TMEM43: variants seen among roughly 807,000 people sequenced by gnomAD.
TMEM43 encodes arrhythmogenic right ventricular dysplasia 5.
In TMEM43, 45 loss-of-function variants were observed where a neutral mutation model predicts 49.6. That is an observed-to-expected ratio of 0.91 (90% CI 0.71 to 1.16). TMEM43 has a LOEUF of 1.16. Ranked by LOEUF, TMEM43 falls within the 50% of genes most tolerant of loss-of-function variation. The pLI is 0.00. For missense variants in TMEM43, 532 were observed against 516.6 expected, an observed-to-expected ratio of 1.03 and a Z score of -0.29; for synonymous variants, 199 against 207.8, an observed-to-expected ratio of 0.96 and a Z score of 0.36.
In TMEM43 at chr3:14,135,093, T is replaced by C. The variant is rs867198305; in HGVS notation, c.706-65T>C. 6.5e-6 allele frequency: 10 copies of C among 1,536,202 alleles called. No homozygotes were observed. In the Middle Eastern group the frequency reaches 1.2e-3, roughly 181 times the overall value. On this transcript the variant is annotated intron_variant, in intron 8 of 11. Transcript: ENST00000306077. ...GAGCCTGAGGGGCGTAGCCGAGGCA[T>C]CCTGGACCTGGGCCTGGGCCAGCTA...
In TMEM43 at chr3:14,135,829, G is replaced by A. The variant is rs769969149; in HGVS notation, c.803G>A (p.Arg268Gln). 5 of 1,613,652 alleles carry A rather than the reference G, an allele frequency of 3.1e-6. No homozygotes were observed. The highest frequency in any genetic ancestry group is 2.2e-5 in the South Asian group (2 of 91,060). Reference protein sequence around the residue: ...AHVVTVIARQRGDQLVPFSTK... With the variant: ...AHVVTVIARQQGDQLVPFSTK... ...CAGGTCACTGTGATTGCCCGGCAGC[G>A]GGGTGACCAGCTAGTCCCATTCTCC... Residue 268 changes from arginine to glutamine, a missense_variant, in exon 10 of 12, where the codon CGG (arginine) becomes CAG (glutamine). Transcript: ENST00000306077.
rs774064981 is a variant in TMEM43, at chr3:14,141,724, C to G, written c.1132C>G (p.Leu378Val). The G allele has an allele frequency of 6.2e-7, 1 of 1,614,198 alleles. No individual in the cohort carries two copies. ...WLFYRPLWAL[L>V]IAGLALVPIL... is the part of the protein sequence containing the mutation. ...CTTCTACCGACCCCTGTGGGCCCTC[C>G]TCATTGCCGGCCTGGCCCTTGTGCC... is the stretch of plus-strand genomic sequence containing the variant. The change falls in exon 12 of 12, where the codon CTC becomes GTC. Residue 378 changes from leucine to valine, a missense_variant. Physicochemically the swap from Leu to Val is conservative, Grantham distance 32. Coordinates refer to ENST00000306077, the MANE Select transcript of TMEM43 (RefSeq NM_024334.3).
chr3:14,138,405 G>C (rs1039711594), intron 10 of TMEM43, among the ~76,000 whole-genome samples: 3 of 152,108 alleles, frequency 2.0e-5, no homozygotes, highest in African/African-American at 7.2e-5. Context: ...GGCAGACAGT[G>C]GTAAGAGACT....
rs758697367 is a variant in TMEM43 at position 14,141,772 on chromosome 3, G to A, written c.1180G>A (p.Val394Met). The A allele has an allele frequency of 4.3e-6, 7 of 1,613,640 alleles. No homozygotes were observed. In the Admixed American group the frequency reaches 6.7e-5, roughly 15 times the overall value. The change falls in exon 12 of 12, where the codon GTG becomes ATG. Residue 394 changes from valine to methionine, a missense_variant. Physicochemically the swap from Val to Met is conservative, Grantham distance 21. Coordinates refer to ENST00000306077, the MANE Select transcript of TMEM43 (RefSeq NM_024334.3). ...LVPILVARTRVPAKKLE is the reference protein window; with the variant it reads ...LVPILVARTRMPAKKLE ...GCCCATCCTTGTTGCTCGGACACGG[G>A]TGCCAGCCAAAAAGTTGGAGTGAAA...
At chr3:14,127,435 C>G (rs1029392156) in intron 1 of TMEM43, among the ~76,000 whole-genome samples, 1 of 152,172 alleles carries the variant, frequency 6.6e-6, no homozygotes, top group African/African-American at 2.4e-5. Context: ...GCAGCTGGCT[C>G]CCAACATTCA....
chr3:14,139,272 T>TA lies in TMEM43; in HGVS notation c.976dup (p.Met326AsnfsTer98). On this transcript the variant is annotated frameshift_variant, in exon 11 of 12. Transcript: ENST00000306077. LOFTEE classifies it high-confidence loss of function. The stretch of plus-strand genomic sequence containing the variant: ...TGGCCATGTTCATGGGCCTCAACCT[T>TA]ATGACACGGATCCTCTACACCTTGG... The TA allele has an allele frequency of 6.2e-7, 1 of 1,614,072 alleles. No homozygotes were observed. Among genetic ancestry groups the TA allele is most frequent in the East Asian group, 2.2e-5 (1 of 44,868 alleles).
At chr3:14,134,498 C>G (rs1049419543) in intron 7 of TMEM43, among the ~76,000 whole-genome samples, 3 of 152,136 alleles carry the variant, frequency 2.0e-5, no homozygotes, top group African/African-American at 7.2e-5. Context: ...CGTGGATGGC[C>G]GTAACCTTGA....
Position 14,135,210 on chromosome 3 carries a change from C to T in TMEM43, c.758C>T (p.Pro253Leu), listed in dbSNP as rs754105679. ...FSYAGLSGDD[P>L]DLGPAHVVTV... ...TATGCTGGACTGAGCGGCGATGACCCTGACCTGGGCCCAGCTCACGTGGTA... is the reference window on the plus strand; with the variant it reads ...TATGCTGGACTGAGCGGCGATGACCTTGACCTGGGCCCAGCTCACGTGGTA... Residue 253 changes from proline to leucine, a missense_variant, in exon 9 of 12, where the codon CCT (proline) becomes CTT (leucine). Physicochemically the swap from Pro to Leu is moderately conservative, Grantham distance 98. Transcript: ENST00000306077. The T allele has an allele frequency of 1.2e-6, 2 of 1,612,576 alleles. No homozygotes were observed. Among genetic ancestry groups the T allele is most frequent in the Non-Finnish European group, 1.7e-6 (2 of 1,180,004 alleles).
intron 6 of TMEM43, among the ~76,000 whole-genome samples, 200 bp from the exon 7 acceptor site, chr3:14,133,539 A>G (rs1366465628): frequency 6.6e-6 from 1 of 152,130 alleles, no homozygotes. Context: ...GGGGAACAGG[A>G]GACAGAGTGA....
rs559832533 is a variant in TMEM43 at position 14,130,973 on chromosome 3, A to C, written c.297+17A>C. 6 of 1,604,178 alleles carry C rather than the reference A, an allele frequency of 3.7e-6. No individual in the cohort carries two copies. In the Admixed American group the frequency reaches 5.0e-5, roughly 13 times the overall value. On this transcript the variant is annotated intron_variant, in intron 3 of 11. Transcript: ENST00000306077. ...ACATCCAAGGTAGGTTTGGCAGGGG[A>C]TGCTGACCTGCCAGTGGCTCGGGGC...
chr3:14,137,681 GCCTC>G lies in TMEM43; in HGVS notation c.883-1496_883-1493del, dbSNP rs1695188046. ...GCACACTGCAGACGGCCCTGGCACT[GCCTC>G]CCACCTGCTACAGGACCTTGAGCTG... On this transcript the variant is annotated intron_variant, in intron 10 of 11. Coordinates refer to ENST00000306077, the MANE Select transcript of TMEM43 (RefSeq NM_024334.3). Among the ~76,000 whole-genome samples, 4 of 152,250 alleles carry G rather than the reference GCCTC, an allele frequency of 2.6e-5. No homozygotes were observed. In the South Asian group the frequency reaches 8.3e-4, roughly 31 times the overall value.
At position 14,141,735 on chromosome 3, in the gene TMEM43, C is replaced by T; in HGVS notation, c.1143C>T (p.Gly381=). 1.9e-6 allele frequency: 3 copies of T among 1,614,192 alleles called. No homozygotes were observed. The highest frequency in any genetic ancestry group is 1.7e-4 in the Middle Eastern group (1 of 6,058). The change falls in exon 12 of 12, where the codon GGC becomes GGT. Residue 381 remains glycine, a synonymous_variant. Coordinates refer to ENST00000306077, the MANE Select transcript of TMEM43 (RefSeq NM_024334.3). The part of the protein sequence containing the change: ...YRPLWALLIA[G]LALVPILVAR... ...CCCTGTGGGCCCTCCTCATTGCCGGCCTGGCCCTTGTGCCCATCCTTGTTG... is the reference window on the plus strand; with the variant it reads ...CCCTGTGGGCCCTCCTCATTGCCGGTCTGGCCCTTGTGCCCATCCTTGTTG...
intron 10 of TMEM43, among the ~76,000 whole-genome samples, chr3:14,138,317 G>T (rs1363415971): frequency 3.9e-5 from 6 of 152,178 alleles, no homozygotes; most frequent in Non-Finnish European, 7.4e-5. Context: ...TGTCCGGGGG[G>T]TGTGGCAGGG....
At chr3:14,141,411 A>G (rs899605427) in intron 11 of TMEM43, among the ~76,000 whole-genome samples, 182 bp from the exon 12 acceptor site, 7 of 152,196 alleles carry the variant, frequency 4.6e-5, no homozygotes, top group Non-Finnish European at 8.8e-5. Context: ...CGCAGCTCAT[A>G]GCAGAGGCTC....
chr3:14,125,570 C>G (rs1315047001), intron 1 of TMEM43, among the ~76,000 whole-genome samples: 1 of 152,136 alleles, frequency 6.6e-6, no homozygotes, highest in Non-Finnish European at 1.5e-5. Context: ...GAGAGCTGGA[C>G]GCGACCTCAG....
intron 10 of TMEM43, among the ~76,000 whole-genome samples, chr3:14,138,876 G>A (rs1695211609): frequency 6.6e-6 from 1 of 152,212 alleles, no homozygotes; most frequent in Admixed American, 6.5e-5. Flanking sequence ...CCTCCAACCT[G>A]CTCAGGGGTG....
intron 2 of TMEM43, among the ~76,000 whole-genome samples, chr3:14,130,096 CT>C (rs1695073569): frequency 8.0e-6 from 1 of 125,284 alleles, no homozygotes; most frequent in Non-Finnish European, 1.6e-5. Flanking sequence ...TTGTTTGTTT[CT>C]TTCTTTCTCT....
chr3:14,141,954 G>A lies in TMEM43; in HGVS notation c.*159G>A, dbSNP rs1695255026. On this transcript the variant is annotated 3_prime_UTR_variant, in exon 12 of 12. Coordinates refer to ENST00000306077, the MANE Select transcript of TMEM43 (RefSeq NM_024334.3). ...CCAGACTTGGCAGCATGTGCACCAG[G>A]TTGGTGTTCACCAGCTCATGTCTTC... 1 of 700,220 alleles carries A rather than the reference G, an allele frequency of 1.4e-6. No homozygotes were observed. The highest frequency in any genetic ancestry group is 2.3e-6 in the Non-Finnish European group (1 of 425,664). 43.4% of individuals were successfully genotyped at this position (700,220 alleles called of 1,614,324 possible).
intron 11 of TMEM43, among the ~76,000 whole-genome samples, chr3:14,140,759 G>A (rs777618228): frequency 6.6e-6 from 1 of 152,226 alleles, no homozygotes; most frequent in Non-Finnish European, 1.5e-5. Flanking sequence ...CACAGGCAAC[G>A]TTCAGAAACA....
Sources: allele counts gnomAD v4.1 joint callset (sites outside exome capture counted in the v4.1 genomes callset), GRCh38; gene constraint gnomAD v4.1.1; transcripts MANE v1.5; gene names NCBI Gene and HGNC (gene_info 2026-07-23, HGNC 2026-07-21).